The following FGF12 variants were observed in gnomAD, a reference collection of about 807,000 sequenced individuals.
The protein encoded by FGF12 is fibroblast growth factor 12.
In FGF12, 14 loss-of-function variants were observed where a neutral mutation model predicts 23.6. The ratio of observed to expected loss-of-function variants is 0.59; its 90% CI spans 0.39 to 0.93. The LOEUF is 0.93. Among genes scored for constraint, FGF12 ranks in the 40% least tolerant of loss-of-function variants. The pLI, the probability that FGF12 is intolerant of heterozygous loss-of-function variation, is 0.00. For missense variants in FGF12, 175 were observed against 217.8 expected (o/e 0.80, Z 1.24); for synonymous variants, 62 against 77.3 (o/e 0.80, Z 1.04).
intron 2 of FGF12, among the ~76,000 whole-genome samples, chr3:192,487,832 G>T (rs1328876422): frequency 2.0e-5 from 3 of 152,150 alleles, no homozygotes; most frequent in East Asian, 1.9e-4. Flanking sequence ...GTTTCTAAAA[G>T]AATGTAAGGG....
chr3:192,677,462 G>T (rs368491032), intron 2 of FGF12, among the ~76,000 whole-genome samples: 1 of 152,264 alleles, frequency 6.6e-6, no homozygotes, highest in East Asian at 1.9e-4. Context: ...CACAGGGAGA[G>T]AATTTTTTTC....
At chr3:192,266,149 A>T (rs1713065543) in intron 4 of FGF12, among the ~76,000 whole-genome samples, 1 of 152,126 alleles carries the variant, frequency 6.6e-6, no homozygotes, top group African/African-American at 2.4e-5. Flanking sequence ...ATCTTCTCTG[A>T]CTGCTCAGGT....
intron 2 of FGF12, among the ~76,000 whole-genome samples, chr3:192,432,560 T>C (rs1721889636): frequency 7.1e-6 from 1 of 141,426 alleles, no homozygotes; most frequent in Non-Finnish European, 1.5e-5. Context: ...GTGAACCGCC[T>C]GTGGGAAGGG....
chr3:192,563,065 G>A (rs778979658), intron 2 of FGF12, among the ~76,000 whole-genome samples: 1 of 152,144 alleles, frequency 6.6e-6, no homozygotes, highest in Non-Finnish European at 1.5e-5. Flanking sequence ...CATACTGGAC[G>A]TATAAGTGGC....
chr3:192,515,008 G>C (rs1300976954), intron 2 of FGF12: 1 of 240,120 alleles, frequency 4.2e-6, no homozygotes, highest in Admixed American at 6.5e-5. Flanking sequence ...GCTCGAGCAC[G>C]GCCCCTTGAG....
rs1389090384 is a variant in FGF12, at chr3:192,221,144, C to CA, written c.229-50489dup. On this transcript the variant is annotated intron_variant, in intron 4 of 5. Coordinates refer to ENST00000445105, the MANE Select transcript of FGF12 (RefSeq NM_004113.6). ...CTGCTTGGATTTTACTCAAAACACA[C>CA]AATTCTCCAATTTCCTCTTTGCTAG... 2.6e-5 allele frequency among the ~76,000 whole-genome samples: 4 copies of CA among 152,168 alleles called. No individual in the cohort carries two copies. The East Asian group carries it at 7.7e-4, about 29-fold the overall frequency.
chr3:192,273,747 A>G (rs1342455430), intron 4 of FGF12, among the ~76,000 whole-genome samples: 3 of 152,204 alleles, frequency 2.0e-5, no homozygotes, highest in Non-Finnish European at 4.4e-5. Context: ...TTCTTCTTTA[A>G]AAAATGCTTG....
intron 2 of FGF12, among the ~76,000 whole-genome samples, chr3:192,361,342 C>T (rs1410708970): frequency 6.6e-6 from 1 of 152,094 alleles, no homozygotes; most frequent in East Asian, 1.9e-4. Flanking sequence ...GCTTTCTCAT[C>T]GCAGTGCTGG....
chr3:192,723,463 TTAA>T (rs1719102418), intron 2 of FGF12, among the ~76,000 whole-genome samples: 2 of 152,248 alleles, frequency 1.3e-5, no homozygotes, highest in East Asian at 3.9e-4. Flanking sequence ...TTCTTAAATG[TTAA>T]AGTGCATAGA....
At chr3:192,581,473 T>A (rs1029953007) in intron 2 of FGF12, among the ~76,000 whole-genome samples, 1 of 76,916 alleles carries the variant, frequency 1.3e-5, no homozygotes. Context: ...TATGTATATA[T>A]ATGTGTGTGT....
chr3:192,371,740 CTT>C (rs11308270), intron 2 of FGF12, among the ~76,000 whole-genome samples: 20 of 150,448 alleles, frequency 1.3e-4, no homozygotes, highest in African/African-American at 4.8e-4. Context: ...TATCATTGGG[CTT>C]TTTTTTTTAC....
intron 2 of FGF12, among the ~76,000 whole-genome samples, chr3:192,576,681 G>C (rs1172028511): frequency 6.6e-6 from 1 of 152,156 alleles, no homozygotes; most frequent in Admixed American, 6.5e-5. Context: ...TTAATATTAA[G>C]TTTGAAAGGC....
rs960526756 is a variant in FGF12 at position 192,142,866 on chromosome 3, T to C, written c.*1143A>G. ...CTACTGGCTTTGTAAGATAGTAAGT[T>C]AGGAATTTCACAGTCATGTCTCCAA... On this transcript the variant is annotated 3_prime_UTR_variant, in exon 6 of 6. Transcript: ENST00000445105. The C allele has an allele frequency of 2.6e-5, 4 of 152,108 alleles. No individual in the cohort carries two copies. The highest frequency in any genetic ancestry group is 2.6e-4 in the Admixed American group (4 of 15,262). The allele number at this position is 152,108 out of a possible 1,614,324, so 9.4% of individuals were successfully genotyped here.
chr3:192,554,840 A>G (rs943705629), intron 2 of FGF12, among the ~76,000 whole-genome samples: 2 of 152,164 alleles, frequency 1.3e-5, no homozygotes, highest in Non-Finnish European at 2.9e-5. Flanking sequence ...CAAAAATAAA[A>G]TATTTTTAAA....
At chr3:192,146,645 A>T (rs1216434550) in intron 5 of FGF12, among the ~76,000 whole-genome samples, 3 of 152,036 alleles carry the variant, frequency 2.0e-5, no homozygotes, top group Admixed American at 2.0e-4. Context: ...TTTATGCCAC[A>T]GATTCTACCC....
At chr3:192,484,072 T>A (rs950327907) in intron 2 of FGF12, among the ~76,000 whole-genome samples, 24 of 152,194 alleles carry the variant, frequency 1.6e-4, no homozygotes, top group South Asian at 1.5e-3. Context: ...ACTGATTTTA[T>A]CCCTGATAGC....
chr3:192,182,962 A>C (rs1016835897), intron 4 of FGF12, among the ~76,000 whole-genome samples: 1 of 152,192 alleles, frequency 6.6e-6, no homozygotes, highest in Non-Finnish European at 1.5e-5. Flanking sequence ...TGTTTGTGTT[A>C]CTTGTTTGCT....
At chr3:192,258,656 T>C (rs1336295157) in intron 4 of FGF12, among the ~76,000 whole-genome samples, 1 of 152,150 alleles carries the variant, frequency 6.6e-6, no homozygotes, top group Non-Finnish European at 1.5e-5. Context: ...TTGAAGCATT[T>C]TATTTTTATA....
chr3:192,491,734 C>A (rs191655417), intron 2 of FGF12, among the ~76,000 whole-genome samples: 7 of 152,200 alleles, frequency 4.6e-5, no homozygotes, highest in African/African-American at 1.2e-4. Flanking sequence ...GTAGTATTTC[C>A]TAGCCTTTTT....
Sources: gnomAD v4.1 joint callset for allele counts (sites outside exome capture counted in the v4.1 genomes callset) on GRCh38, gnomAD v4.1.1 for gene constraint, MANE v1.5 for transcripts, NCBI Gene and HGNC (gene_info 2026-07-23, HGNC 2026-07-21) for gene names.